The following VIPR2 variants were observed in gnomAD, a reference collection of about 807,000 sequenced individuals.
VIPR2 encodes the protein vasoactive intestinal peptide receptor 2, also known as vasoactive intestinal polypeptide receptor 2.
VIPR2 carries 48 observed loss-of-function variants against 58.0 expected under a neutral mutation model. That is an observed-to-expected ratio of 0.83 (90% CI 0.66 to 1.05). VIPR2 has a LOEUF of 1.05. Ranked by LOEUF, VIPR2 falls within the 50% of genes least tolerant of loss-of-function variation. The pLI, the probability that VIPR2 is intolerant of heterozygous loss-of-function variation, is 0.00. For missense variants in VIPR2, 534 were observed against 558.0 expected (o/e 0.96, Z 0.43); for synonymous variants, 243 against 235.2 (o/e 1.03, Z -0.30).
At chr7:159,059,773 A>G (rs1262428671) in intron 4 of VIPR2, among the ~76,000 whole-genome samples, 1 of 90,342 alleles carries the variant, frequency 1.1e-5, no homozygotes, top group African/African-American at 3.1e-5. Context: ...ACCCGTACTC[A>G]CTTCAACTAC....
At chr7:159,059,196 G>A in intron 4 of VIPR2, 1 of 470,252 alleles carries the variant, frequency 2.1e-6, no homozygotes, top group Non-Finnish European at 4.4e-6. Context: ...ATCACAGGGA[G>A]TTCTATGACA....
chr7:159,079,339 T>C (rs1161954904), intron 4 of VIPR2, among the ~76,000 whole-genome samples: 1 of 152,036 alleles, frequency 6.6e-6, no homozygotes, highest in South Asian at 2.1e-4. Context: ...CTCAACTACA[T>C]GGAAACTGAA....
chr7:159,136,649 C>G (rs1797242010), intron 2 of VIPR2, among the ~76,000 whole-genome samples: 1 of 152,076 alleles, frequency 6.6e-6, no homozygotes, highest in Non-Finnish European at 1.5e-5. Context: ...ACCCAGGTCT[C>G]TGAGCCTCTC....
chr7:159,139,772 G>T (rs1274755237), intron 2 of VIPR2, among the ~76,000 whole-genome samples: 1 of 152,194 alleles, frequency 6.6e-6, no homozygotes, highest in African/African-American at 2.4e-5. Flanking sequence ...AGACGCGGGT[G>T]TAAGAATGAT....
chr7:159,066,728 C>T (rs139535980), intron 4 of VIPR2, among the ~76,000 whole-genome samples: 1 of 152,336 alleles, frequency 6.6e-6, no homozygotes, highest in Non-Finnish European at 1.5e-5. Context: ...TCCCTATGCT[C>T]ATTACTACTT....
intron 5 of VIPR2, among the ~76,000 whole-genome samples, chr7:159,055,579 A>T (rs888309487): frequency 5.4e-5 from 8 of 148,102 alleles, no homozygotes; most frequent in Non-Finnish European, 1.0e-4. Context: ...TCTCCTCAAC[A>T]CCCCTTCCTC....
intron 2 of VIPR2, among the ~76,000 whole-genome samples, chr7:159,121,009 C>G (rs917926454): frequency 6.6e-6 from 1 of 152,192 alleles, no homozygotes; most frequent in Admixed American, 6.5e-5. Flanking sequence ...GCTTTTTAAG[C>G]TTGGACTTAA....
chr7:159,034,435 T>G lies in VIPR2; in HGVS notation c.880-131A>C, dbSNP rs1044211455. The stretch of plus-strand genomic sequence containing the variant: ...CTTCCCTGGGAACTGCCTCTGGGGG[T>G]CCACATGCCTGAAGAGGTCCTTTTC... On this transcript the variant is annotated intron_variant, in intron 9 of 12. Coordinates refer to ENST00000262178, the MANE Select transcript of VIPR2 (RefSeq NM_003382.5). The G allele has an allele frequency of 4.8e-6, 6 of 1,256,950 alleles. No individual in the cohort carries two copies. The African/African-American group carries it at 5.9e-5, about 12-fold the overall frequency. The allele number at this position is 1,256,950 out of a possible 1,614,324, so 77.9% of individuals were successfully genotyped here. A position where few individuals can be genotyped will look rare whatever the true frequency, so the allele number is the denominator to read the frequency against.
At position 159,098,048 on chromosome 7, in the gene VIPR2, T is replaced by G. The variant is rs1857972327; in HGVS notation, c.357+5709A>C. Among the ~76,000 whole-genome samples, 1 of 150,932 alleles carries G rather than the reference T, an allele frequency of 6.6e-6. No homozygotes were observed. Among genetic ancestry groups the G allele is most frequent in the African/African-American group, 2.5e-5 (1 of 40,220 alleles). On this transcript the variant is annotated intron_variant, in intron 4 of 12. Coordinates refer to ENST00000262178, the MANE Select transcript of VIPR2 (RefSeq NM_003382.5). This position sits in a 1 kb window ranked among gnomAD's most constrained non-coding sequence, Gnocchi z 5.2. ...GCTCCTCCGTGGCCTCTTGGAAGCCTGAGCCCTGCCGGGGCAAGCGGAATC... is the reference window on the plus strand; with the variant it reads ...GCTCCTCCGTGGCCTCTTGGAAGCCGGAGCCCTGCCGGGGCAAGCGGAATC...
At chr7:159,034,963 GGAGAA>G (rs1299053417) in intron 8 of VIPR2, among the ~76,000 whole-genome samples, 14 of 152,178 alleles carry the variant, frequency 9.2e-5, no homozygotes, top group Admixed American at 7.9e-4. Flanking sequence ...GCTGAAATCA[GGAGAA>G]AAGAACCTTC....
chr7:159,088,346 C>T (rs1049658347), intron 4 of VIPR2, among the ~76,000 whole-genome samples: 4 of 152,182 alleles, frequency 2.6e-5, no homozygotes, highest in African/African-American at 9.7e-5. Context: ...TGCAGCACAC[C>T]TGTATATCTG....
intron 4 of VIPR2, among the ~76,000 whole-genome samples, chr7:159,063,334 C>T (rs978390381): frequency 6.6e-4 from 101 of 152,158 alleles, no homozygotes; most frequent in African/African-American, 2.2e-3. Context: ...GCCAGCAGGC[C>T]GGCACTGCTG....
intron 2 of VIPR2, among the ~76,000 whole-genome samples, chr7:159,134,830 T>G (rs1797132066): frequency 6.6e-6 from 1 of 151,710 alleles, no homozygotes; most frequent in South Asian, 2.1e-4. Flanking sequence ...GCTAATTTTT[T>G]GTATATTTAG....
Position 159,098,517 on chromosome 7 carries a change from A to G in VIPR2, c.357+5240T>C, listed in dbSNP as rs1184167177. Among the ~76,000 whole-genome samples, 1 of 152,112 alleles carries G rather than the reference A, an allele frequency of 6.6e-6. No homozygotes were observed. Among genetic ancestry groups the G allele is most frequent in the African/African-American group, 2.4e-5 (1 of 41,440 alleles). On this transcript the variant is annotated intron_variant, in intron 4 of 12. Transcript: ENST00000262178. The surrounding 1 kb of genome is among the most constrained non-coding windows in gnomAD (Gnocchi z 5.2). ...CCCTGGCTGGCTTATCTGCTTCAGG[A>G]TCTGACTGCAGCAGGTGAGACCCCA...
At chr7:159,106,639 G>A (rs1315073037) in intron 3 of VIPR2, among the ~76,000 whole-genome samples, 2 of 146,036 alleles carry the variant, frequency 1.4e-5, no homozygotes, top group African/African-American at 5.1e-5. Flanking sequence ...GAAAGGCCAG[G>A]GAGGGGCAGA....
chr7:159,084,907 G>C (rs943132291), intron 4 of VIPR2, among the ~76,000 whole-genome samples: 3 of 152,198 alleles, frequency 2.0e-5, no homozygotes, highest in African/African-American at 7.2e-5. Context: ...TGTGGGAAAT[G>C]TTCTCCAAGA....
At chr7:159,114,513 A>C (rs904183296) in intron 2 of VIPR2, among the ~76,000 whole-genome samples, 1 of 152,132 alleles carries the variant, frequency 6.6e-6, no homozygotes, top group African/African-American at 2.4e-5. Context: ...CGCTCTGAAA[A>C]GTGGAAAATG....
chr7:159,096,620 C>T lies in VIPR2; in HGVS notation c.357+7137G>A, dbSNP rs934509066. Among the ~76,000 whole-genome samples the T allele has an allele frequency of 5.3e-5, 8 of 152,236 alleles. No homozygotes were observed. The highest frequency in any genetic ancestry group is 1.3e-4 in the Admixed American group (2 of 15,286). ...ACCTCCTTCCCTGGTCCCGTATCTCCTTTGGCCCTGAAAAGACTCATCCAT... is the reference window on the plus strand; with the variant it reads ...ACCTCCTTCCCTGGTCCCGTATCTCTTTTGGCCCTGAAAAGACTCATCCAT... On this transcript the variant is annotated intron_variant, in intron 4 of 12. Transcript: ENST00000262178. This position sits in a 1 kb window ranked among gnomAD's most constrained non-coding sequence, Gnocchi z 5.5.
intron 2 of VIPR2, among the ~76,000 whole-genome samples, chr7:159,131,797 T>TG (rs1796924195): frequency 6.6e-6 from 1 of 152,116 alleles, no homozygotes; most frequent in Non-Finnish European, 1.5e-5. Flanking sequence ...ACCTGAAAAA[T>TG]TCCTGAGCAG....
Sources: gnomAD v4.1 joint callset for allele counts (sites outside exome capture counted in the v4.1 genomes callset) on GRCh38, gnomAD v4.1.1 for gene constraint, Gnocchi (gnomAD v3.1) non-coding constraint, MANE v1.5 for transcripts, NCBI Gene and HGNC (gene_info 2026-07-23, HGNC 2026-07-21) for gene names.